TMTC2: variants seen among roughly 807,000 people sequenced by gnomAD.
TMTC2 encodes the protein transmembrane O-mannosyltransferase targeting cadherins 2.
A neutral mutation model predicts 82.4 loss-of-function variants in TMTC2; 43 were observed. The observed-to-expected ratio is 0.52, with a 90% confidence interval of 0.41 to 0.67. The LOEUF is 0.67. TMTC2 is among the 30% of genes least tolerant of loss of function. The pLI, the probability that TMTC2 is intolerant of heterozygous loss-of-function variation, is 0.00. For missense variants in TMTC2, 919 were observed against 1,012.4 expected (o/e 0.91, Z 1.25); for synonymous variants, 408 against 381.9 (o/e 1.07, Z -0.80).
At chr12:83,022,934 T>C (rs10862550) in intron 8 of TMTC2, among the ~76,000 whole-genome samples, 90,098 of 152,048 alleles carry the variant, frequency 0.59, 27,238 homozygotes, top group South Asian at 0.73. Context: ...ATTGAAATGA[T>C]TTTTGGCTAC....
chr12:82,992,172 C>G (rs1378556870), intron 8 of TMTC2, among the ~76,000 whole-genome samples: 2 of 152,170 alleles, frequency 1.3e-5, no homozygotes, highest in Non-Finnish European at 2.9e-5. Flanking sequence ...TCCCATACCC[C>G]AGGCTGAAAT....
At chr12:82,915,805 T>C (rs1056516129) in intron 3 of TMTC2, among the ~76,000 whole-genome samples, 2 of 152,218 alleles carry the variant, frequency 1.3e-5, no homozygotes, top group Non-Finnish European at 2.9e-5. Context: ...GACAATTCTA[T>C]TCCTGATACA....
chr12:82,996,263 A>G (rs1285201828), intron 8 of TMTC2, among the ~76,000 whole-genome samples: 3 of 152,178 alleles, frequency 2.0e-5, no homozygotes, highest in South Asian at 2.1e-4. Context: ...TGAAGTTTTG[A>G]AGGAACCATT....
intron 1 of TMTC2, among the ~76,000 whole-genome samples, chr12:82,828,363 A>G (rs1032247780): frequency 9.2e-5 from 14 of 151,900 alleles, no homozygotes; most frequent in African/African-American, 3.4e-4. Context: ...ACATGCATGT[A>G]CCACCATTCC....
At chr12:82,824,227 G>A (rs1397857030) in intron 1 of TMTC2, among the ~76,000 whole-genome samples, 1 of 152,094 alleles carries the variant, frequency 6.6e-6, no homozygotes, top group African/African-American at 2.4e-5. Context: ...TGTTTTGTAT[G>A]GATCTTATAA....
At chr12:82,821,498 A>G (rs1447941762) in intron 1 of TMTC2, among the ~76,000 whole-genome samples, 4 of 152,200 alleles carry the variant, frequency 2.6e-5, no homozygotes, top group Non-Finnish European at 4.4e-5. Context: ...TTTACAGATA[A>G]GGAAAATGAG....
chr12:83,050,987 G>A lies in TMTC2; in HGVS notation c.2236G>A (p.Asp746Asn). Residue 746 changes from aspartate to asparagine, a missense_variant, in exon 10 of 12, where the codon GAT (aspartate) becomes AAT (asparagine). Coordinates refer to ENST00000321196, the MANE Select transcript of TMTC2 (RefSeq NM_152588.3). The part of the protein sequence containing the change: ...KAAELDSTEF[D>N]VVFNAAHMLR... ...AGCTGAACTAGACAGCACAGAGTTT[G>A]ATGTTGTCTTCAATGCTGCCCACAT... 6.2e-7 allele frequency: 1 copy of A among 1,612,272 alleles called. No individual in the cohort carries two copies. The highest frequency in any genetic ancestry group is 8.5e-7 in the Non-Finnish European group (1 of 1,178,912).
intron 8 of TMTC2, among the ~76,000 whole-genome samples, chr12:83,009,351 G>A (rs2137382977): frequency 6.6e-6 from 1 of 152,160 alleles, no homozygotes; most frequent in East Asian, 1.9e-4. Context: ...TGGTCCTCAG[G>A]GTTTCTCTTT....
At chr12:82,930,846 T>A (rs1168944288) in intron 4 of TMTC2, among the ~76,000 whole-genome samples, 1 of 152,230 alleles carries the variant, frequency 6.6e-6, no homozygotes, top group Non-Finnish European at 1.5e-5. Context: ...CCATTAATAC[T>A]TAGATGAGTT....
In TMTC2 at chr12:82,866,381, A is replaced by G. The variant is rs373234193; in HGVS notation, c.654+8801A>G. ...TTTGTTTTGGACTGTTTCATACAGG[A>G]AGATAGAAAAAACATTTTTTAAAGG... On this transcript the variant is annotated intron_variant, in intron 2 of 11. Coordinates refer to ENST00000321196, the MANE Select transcript of TMTC2 (RefSeq NM_152588.3). 1.2e-3 allele frequency among the ~76,000 whole-genome samples: 178 copies of G among 152,338 alleles called. 3 individuals are homozygous for G. The South Asian group carries it at 0.024, about 21-fold the overall frequency.
chr12:82,798,369 C>T (rs184895875), intron 1 of TMTC2, among the ~76,000 whole-genome samples: 17,244 of 147,738 alleles, frequency 0.12, 1,331 homozygotes, highest in East Asian at 0.31. Context: ...TGGTGGCGGG[C>T]GCCTGTAGTC....
chr12:82,798,309 C>A (rs912662114), intron 1 of TMTC2, among the ~76,000 whole-genome samples: 2 of 149,410 alleles, frequency 1.3e-5, no homozygotes, highest in South Asian at 2.1e-4. Context: ...TGGTGGCTCA[C>A]GCCTGTAATC....
At position 82,752,147 on chromosome 12, in the gene TMTC2, C is replaced by CATTTTTTTTTTTTTTTTTTTTT. The variant is rs58427886; in HGVS notation, c.83+64478_83+64479insATTTTTTTTTTTTTTTTTTTTT. Among the ~76,000 whole-genome samples, 2 of 137,928 alleles carry CATTTTTTTTTTTTTTTTTTTTT rather than the reference C, an allele frequency of 1.5e-5. 1 individual carries two copies. Among genetic ancestry groups the CATTTTTTTTTTTTTTTTTTTTT allele is most frequent in the Non-Finnish European group, 3.0e-5 (2 of 66,034 alleles). The allele number at this position is 137,928 out of a possible 152,430, so 90.5% of individuals were successfully genotyped here. ...ATGTTTTTATATTTATTGGAAGCTC[C>CATTTTTTTTTTTTTTTTTTTTT]TTTTTTTTTTTTTTTTTTTCTGAAG... On this transcript the variant is annotated intron_variant, in intron 1 of 11. Transcript: ENST00000321196.
chr12:82,884,335 A>G (rs1480332821), intron 2 of TMTC2, among the ~76,000 whole-genome samples: 2 of 152,226 alleles, frequency 1.3e-5, no homozygotes, highest in Non-Finnish European at 2.9e-5. Context: ...CAAACGCTAT[A>G]GAGTGTCAGA....
intron 3 of TMTC2, among the ~76,000 whole-genome samples, chr12:82,918,771 T>C: frequency 6.6e-6 from 1 of 152,002 alleles, no homozygotes; most frequent in East Asian, 1.9e-4. Flanking sequence ...TCTCTCCCTC[T>C]CTTTGAGACA....
At chr12:83,075,949 A>G (rs1883272752) in intron 11 of TMTC2, among the ~76,000 whole-genome samples, 3 of 152,228 alleles carry the variant, frequency 2.0e-5, no homozygotes, top group Admixed American at 2.0e-4. Context: ...GACAAATCAG[A>G]AAAAAATGTA....
intron 4 of TMTC2, among the ~76,000 whole-genome samples, chr12:82,943,189 T>C (rs955330188): frequency 1.3e-5 from 2 of 152,216 alleles, no homozygotes; most frequent in Non-Finnish European, 2.9e-5. Context: ...CAAGTCTATA[T>C]GGGAATCACA....
At chr12:83,128,531 C>A (rs1012198069) in intron 11 of TMTC2, among the ~76,000 whole-genome samples, 1 of 152,078 alleles carries the variant, frequency 6.6e-6, no homozygotes, top group Non-Finnish European at 1.5e-5. Flanking sequence ...ACATTATAAG[C>A]TCTTACAGGA....
At chr12:83,037,850 T>C (rs1044924579) in intron 9 of TMTC2, among the ~76,000 whole-genome samples, 4 of 151,802 alleles carry the variant, frequency 2.6e-5, no homozygotes, top group African/African-American at 7.3e-5. Flanking sequence ...AGTAATATGA[T>C]AAAAAGACAA....
Sources: allele counts gnomAD v4.1 joint callset (sites outside exome capture counted in the v4.1 genomes callset), GRCh38; gene constraint gnomAD v4.1.1; transcripts MANE v1.5; gene names NCBI Gene and HGNC (gene_info 2026-07-23, HGNC 2026-07-21).